Variants in GNAS observed in about 807,000 individuals in gnomAD.
GNAS encodes the protein GNAS complex locus.
A neutral mutation model predicts 54.5 loss-of-function variants in GNAS; 8 were observed. The ratio of observed to expected loss-of-function variants is 0.15; its 90% CI spans 0.09 to 0.26. The LOEUF (loss-of-function observed/expected upper bound fraction) is 0.26, where lower values mean the gene tolerates loss of function less well. GNAS is among the 10% of genes least tolerant of loss of function. GNAS has a pLI of 1.00. For synonymous variants in GNAS, 204 were observed against 191.4 expected (o/e 1.07, Z -0.54); for missense variants, 170 against 529.8 (o/e 0.32, Z 6.67).
At chr20:58,862,523 AG>A (rs2145635959) in intron 1 of GNAS, among the ~76,000 whole-genome samples, 1 of 147,506 alleles carries the variant, frequency 6.8e-6, no homozygotes, top group East Asian at 2.0e-4. Context: ...GCTCCAAGTG[AG>A]GTTTTGGGTT....
intron 1 of GNAS, among the ~76,000 whole-genome samples, chr20:58,894,545 AAGG>A (rs981137130): frequency 3.5e-4 from 54 of 152,366 alleles, no homozygotes; most frequent in African/African-American, 1.3e-3. Context: ...ATTTGTGTGG[AAGG>A]AGGGCAAAAA....
At position 58,909,338 on chromosome 20, in the gene GNAS, A is replaced by G. The variant is rs367909148; in HGVS notation, c.586-12A>G. 152 of 1,611,732 alleles carry G rather than the reference A, an allele frequency of 9.4e-5. No individual in the cohort carries two copies. The East Asian group carries it at 1.4e-3, about 15-fold the overall frequency. ...GCTTTGGTGAGATCCATTGACCTCA[A>G]TTTTGTTTCAGGACCTGCTTCGCTG... On this transcript the variant is annotated splice_polypyrimidine_tract_variant and intron_variant, in intron 7 of 12. Transcript: ENST00000371085. This position sits in a 1 kb window ranked among gnomAD's most constrained non-coding sequence, Gnocchi z 7.3.
chr20:58,889,480 A>G, upstream of GNAS: 1 of 340,418 alleles, frequency 2.9e-6, no homozygotes, highest in Non-Finnish European at 4.1e-6. Flanking sequence ...GCCTCCGGGC[A>G]CCCCCCAATT....
upstream of GNAS, among the ~76,000 whole-genome samples, chr20:58,891,094 C>G (rs1252853692): frequency 1.3e-5 from 2 of 149,934 alleles, no homozygotes; most frequent in South Asian, 2.1e-4. Flanking sequence ...CCCCCTCTCC[C>G]CCCTCGGCTC....
upstream of GNAS, chr20:58,889,113 G>A: frequency 8.7e-7 from 1 of 1,149,430 alleles, no homozygotes; most frequent in South Asian, 1.5e-5. Context: ...GCTATGGGTC[G>A]GTCCTCTGAA....
intron 1 of GNAS, among the ~76,000 whole-genome samples, chr20:58,875,435 G>C (rs985074621): frequency 8.5e-5 from 13 of 152,192 alleles, no homozygotes; most frequent in African/African-American, 3.1e-4. Flanking sequence ...TAATAGTGGG[G>C]TTCCTAAGAG....
rs55890501 is a variant in GNAS, at chr20:58,854,720, C to A, written c.43+13834C>A. On this transcript the variant is annotated intron_variant, in intron 1 of 12. Transcript: ENST00000306090. ...CTGCGGCTGCTGAGACCCGGGCAGC[C>A]CATGTCGCCCCAGCTGCGCCAGACG... 6,062 of 1,534,344 alleles carry A rather than the reference C, an allele frequency of 4.0e-3. 14 individuals are homozygous for A. The highest frequency in any genetic ancestry group is 4.5e-3 in the Non-Finnish European group (5,160 of 1,146,104).
intron 1 of GNAS, among the ~76,000 whole-genome samples, chr20:58,865,119 A>G (rs2086980825): frequency 6.6e-6 from 1 of 152,126 alleles, no homozygotes; most frequent in African/African-American, 2.4e-5. Flanking sequence ...TGCGTATCTT[A>G]AAAATATATA....
chr20:58,844,807 AC>A (rs1279360744), intron 1 of GNAS, among the ~76,000 whole-genome samples: 6 of 152,082 alleles, frequency 3.9e-5, no homozygotes, highest in Non-Finnish European at 8.8e-5. Flanking sequence ...CAAAAAAAAA[AC>A]AAAACAAAAC....
chr20:58,843,122 C>T (rs2085801421), intron 1 of GNAS, among the ~76,000 whole-genome samples: 3 of 152,086 alleles, frequency 2.0e-5, no homozygotes, highest in Admixed American at 2.0e-4. Context: ...CAAACTGCCT[C>T]GCCATCTGCA....
chr20:58,840,803 TC>T, upstream of GNAS: 2 of 1,612,252 alleles, frequency 1.2e-6, no homozygotes, highest in East Asian at 2.2e-5. The surrounding 1 kb of genome is among the most constrained non-coding windows in gnomAD (Gnocchi z 6.0). Flanking sequence ...GTCCCCGGAG[TC>T]CCCTTCCAAA....
rs759210010 is a variant in GNAS, at chr20:58,854,685, C to T, written c.43+13799C>T. 654 of 1,528,118 alleles carry T rather than the reference C, an allele frequency of 4.3e-4. No homozygotes were observed. Among genetic ancestry groups the T allele is most frequent in the Non-Finnish European group, 5.5e-4 (632 of 1,143,768 alleles). 94.7% of individuals were successfully genotyped at this position (1,528,118 alleles called of 1,614,324 possible). A position where few individuals can be genotyped will look rare whatever the true frequency, so the allele number is the denominator to read the frequency against. ...AGATGCCGGGGCGGCCCCTGAGGCT[C>T]CCGCCGCCCCTGCGGCTGCTGAGAC... On this transcript the variant is annotated intron_variant, in intron 1 of 12. Transcript: ENST00000306090.
At chr20:58,891,418 G>GGCA (rs953866099), upstream of GNAS, 41 of 349,980 alleles carry the variant, frequency 1.2e-4, no homozygotes, top group African/African-American at 2.7e-4. Flanking sequence ...CGGCAGCGGC[G>GGCA]GCAGCAGCTC....
chr20:58,892,025 C>T (rs1407614499), intron 1 of GNAS, 160 bp downstream of exon 1: 6 of 837,202 alleles, frequency 7.2e-6, no homozygotes, highest in South Asian at 5.4e-5. Flanking sequence ...GAAGGGGGAC[C>T]CAGGGGCGCG....
Position 58,841,185 on chromosome 20 carries a change from C to T in GNAS, c.43+299C>T, listed in dbSNP as rs1300614897. Among the ~76,000 whole-genome samples the T allele has an allele frequency of 6.6e-6, 1 of 152,164 alleles. No homozygotes were observed. Among genetic ancestry groups the T allele is most frequent in the African/African-American group, 2.4e-5 (1 of 41,442 alleles). Reference sequence around the variant, plus strand: ...CGGCTACGCGACTGAATCCCGAACGCACCCCAGATTTGGAGCTGCACACCC... The same window carrying T: ...CGGCTACGCGACTGAATCCCGAACGTACCCCAGATTTGGAGCTGCACACCC... On this transcript the variant is annotated intron_variant, in intron 1 of 12. Transcript: ENST00000306090. This position sits in a 1 kb window ranked among gnomAD's most constrained non-coding sequence, Gnocchi z 5.0.
rs995705467 is a variant in GNAS at position 58,853,403 on chromosome 20, C to T, written c.43+12517C>T. The T allele has an allele frequency of 1.3e-6, 2 of 1,574,758 alleles. No homozygotes were observed. The highest frequency in any genetic ancestry group is 1.8e-5 in the Admixed American group (1 of 54,258). ...CCCCCGGTGCTGGGCCTAGCCCAGC[C>T]GAAGAGATGGAGACCGAACCGCCTC... On this transcript the variant is annotated intron_variant, in intron 1 of 12. Coordinates refer to the GNAS transcript ENST00000306090. This position sits in a 1 kb window ranked among gnomAD's most constrained non-coding sequence, Gnocchi z 4.4.
chr20:58,853,460 C>A lies in GNAS; in HGVS notation c.43+12574C>A, dbSNP rs750264533. The A allele has an allele frequency of 1.9e-5, 30 of 1,611,824 alleles. 1 individual carries two copies. The Admixed American group carries it at 5.0e-4, about 27-fold the overall frequency. ...AGCCCATCCCCGTCGAGAATGATGG[C>A]GAGGCCTGTGGACCCCCAGAGGTCT... On this transcript the variant is annotated intron_variant, in intron 1 of 12. Transcript: ENST00000306090. The surrounding 1 kb of genome is among the most constrained non-coding windows in gnomAD (Gnocchi z 4.4).
intron 1 of GNAS, among the ~76,000 whole-genome samples, chr20:58,893,897 C>T (rs1337408258): frequency 6.6e-6 from 1 of 152,222 alleles, no homozygotes; most frequent in Non-Finnish European, 1.5e-5. Context: ...GAGACTGTTA[C>T]TCAGAACACG....
Position 58,910,960 on chromosome 20 carries a change from T to A in GNAS, c.*131T>A. The A allele has an allele frequency of 1.1e-6, 1 of 918,400 alleles. No homozygotes were observed. The highest frequency in any genetic ancestry group is 1.7e-6 in the Non-Finnish European group (1 of 579,106). 56.9% of individuals were successfully genotyped at this position (918,400 alleles called of 1,614,324 possible). ...CAACCTTTCCCTTCCCCCGAGTGAT[T>A]TTGCGAAACCCCCTTTTCCCTTCAG... On this transcript the variant is annotated 3_prime_UTR_variant, in exon 13 of 13. Transcript: ENST00000371085. This position sits in a 1 kb window ranked among gnomAD's most constrained non-coding sequence, Gnocchi z 5.8.
Sources: gnomAD v4.1 joint callset for allele counts (sites outside exome capture counted in the v4.1 genomes callset) on GRCh38, gnomAD v4.1.1 for gene constraint, Gnocchi (gnomAD v3.1) non-coding constraint, MANE v1.5 for transcripts, NCBI Gene and HGNC (gene_info 2026-07-23, HGNC 2026-07-21) for gene names.